Variants in SPATS2 observed in about 807,000 individuals in gnomAD.
The protein encoded by SPATS2 is spermatogenesis-associated serine-rich protein 2.
SPATS2 carries 38 observed loss-of-function variants against 63.7 expected under a neutral mutation model. The observed-to-expected ratio is 0.60, with a 90% confidence interval of 0.46 to 0.78. The LOEUF is 0.78. Ranked by LOEUF, SPATS2 falls within the 30% of genes least tolerant of loss-of-function variation. The probability of loss-of-function intolerance (pLI) is 0.00; values close to 1 mark genes in which losing one functional copy is unlikely to be tolerated. For missense variants in SPATS2, 588 were observed against 666.2 expected (o/e 0.88, Z 1.29); for synonymous variants, 207 against 232.9 (o/e 0.89, Z 1.01).
rs1858154424 is a variant in SPATS2 at position 49,443,135 on chromosome 12, T to G, written c.-243-17635T>G. ...TTGTATGTATATACTTTATTTTGTTTAACCATTTGTCTGCTGATAGACATT... is the reference window on the plus strand; with the variant it reads ...TTGTATGTATATACTTTATTTTGTTGAACCATTTGTCTGCTGATAGACATT... On this transcript the variant is annotated intron_variant, in intron 2 of 13. Transcript: ENST00000552918. Among the ~76,000 whole-genome samples, 5 of 152,258 alleles carry G rather than the reference T, an allele frequency of 3.3e-5. No individual in the cohort carries two copies. In the South Asian group the frequency reaches 1.0e-3, roughly 32 times the overall value.
intron 11 of SPATS2, 72 bp from the exon 12 acceptor site, chr12:49,522,674 TTAATC>T (rs1252705920): frequency 3.3e-5 from 38 of 1,168,260 alleles, no homozygotes; most frequent in Non-Finnish European, 4.3e-5. Context: ...AAATGATTGT[TTAATC>T]TGTATAGCAA....
intron 10 of SPATS2, among the ~76,000 whole-genome samples, chr12:49,515,533 G>C (rs1946824040): frequency 6.6e-6 from 1 of 152,188 alleles, no homozygotes; most frequent in Non-Finnish European, 1.5e-5. Context: ...ATTTTAACTT[G>C]AAAATTTGAG....
chr12:49,517,382 G>A (rs1946868350), intron 10 of SPATS2, among the ~76,000 whole-genome samples: 1 of 152,204 alleles, frequency 6.6e-6, no homozygotes, highest in Non-Finnish European at 1.5e-5. Flanking sequence ...CCAGCTCTCT[G>A]TAATACCTGG....
At chr12:49,409,408 C>T (rs1348037302) in intron 2 of SPATS2, among the ~76,000 whole-genome samples, 1 of 151,880 alleles carries the variant, frequency 6.6e-6, no homozygotes, top group Admixed American at 6.6e-5. Flanking sequence ...CGGGTTCACG[C>T]CATTCTCCTG....
At chr12:49,504,257 C>T (rs374711608) in intron 9 of SPATS2, among the ~76,000 whole-genome samples, 21 of 152,216 alleles carry the variant, frequency 1.4e-4, no homozygotes, top group South Asian at 8.3e-4. Flanking sequence ...ACTTTGATGC[C>T]GAACAAAAAC....
chr12:49,389,518 G>T, intron 2 of SPATS2: 2 of 903,670 alleles, frequency 2.2e-6, no homozygotes, highest in South Asian at 1.3e-5. Context: ...CTTTAGAAAT[G>T]AGTTGCACAA....
At chr12:49,498,359 C>T (rs1045098458) in intron 8 of SPATS2, among the ~76,000 whole-genome samples, 1 of 151,872 alleles carries the variant, frequency 6.6e-6, no homozygotes, top group African/African-American at 2.4e-5. Context: ...AAATAGAACT[C>T]TTGGAAATTG....
intron 7 of SPATS2, 76 bp from the exon 8 acceptor site, chr12:49,496,757 G>A (rs1304573705): frequency 6.8e-7 from 1 of 1,481,240 alleles, no homozygotes; most frequent in Non-Finnish European, 9.2e-7. Context: ...ATTTTTACCT[G>A]TTTTCTTTGT....
chr12:49,526,148 A>C lies in SPATS2; in HGVS notation c.1531A>C (p.Asn511His), dbSNP rs755392829. Reference sequence around the variant, plus strand: ...AGGCCAGACTCACTCTGCAGGGACCAATGGAACTGGAGTCAGCATGGAGCC... The same window carrying C: ...AGGCCAGACTCACTCTGCAGGGACCCATGGAACTGGAGTCAGCATGGAGCC... Reference protein sequence around the residue: ...ERGQTHSAGTNGTGVSMEPSP... With the variant: ...ERGQTHSAGTHGTGVSMEPSP... Residue 511 changes from asparagine to histidine, a missense_variant, in exon 14 of 14, where the codon AAT (asparagine) becomes CAT (histidine). By Grantham distance (68) the Asn-to-His change is moderately conservative (BLOSUM62 1). Transcript: ENST00000552918. The C allele has an allele frequency of 1.2e-6, 2 of 1,614,186 alleles. No individual in the cohort carries two copies. The highest frequency in any genetic ancestry group is 2.2e-5 in the East Asian group (1 of 44,876).
At chr12:49,381,252 G>A (rs1197212096) in intron 2 of SPATS2, among the ~76,000 whole-genome samples, 1 of 152,068 alleles carries the variant, frequency 6.6e-6, no homozygotes, top group East Asian at 1.9e-4. Context: ...TTTTTGTTGA[G>A]TTATAACCAT....
intron 2 of SPATS2, among the ~76,000 whole-genome samples, chr12:49,416,440 T>C (rs1592375570): frequency 6.6e-6 from 1 of 152,304 alleles, no homozygotes; most frequent in East Asian, 1.9e-4. Context: ...TGAAGTTGCC[T>C]GAGAGAGCAC....
chr12:49,526,100 G>A lies in SPATS2; in HGVS notation c.1483G>A (p.Ala495Thr). Residue 495 changes from alanine to threonine, a missense_variant, in exon 14 of 14, where the codon GCA becomes ACA. Physicochemically the swap from Ala to Thr is moderately conservative, Grantham distance 58. Coordinates refer to ENST00000552918, the MANE Select transcript of SPATS2 (RefSeq NM_023071.4). The part of the protein sequence containing the change: ...GSRYQSAPSQ[A>T]PGNTIERGQT... ...CAGGTATCAGAGTGCTCCATCTCAG[G>A]CACCAGGAAACACCATTGAAAGAGG... The A allele has an allele frequency of 6.2e-7, 1 of 1,614,158 alleles. No individual in the cohort carries two copies.
chr12:49,372,940 TTGTGTGTGTG>T (rs56940721), intron 2 of SPATS2, among the ~76,000 whole-genome samples: 1,904 of 130,112 alleles, frequency 0.015, 35 homozygotes, highest in African/African-American at 0.04. Context: ...ATTTTCTGTT[TTGTGTGTGTG>T]TGTGTGTGTG....
intron 2 of SPATS2, among the ~76,000 whole-genome samples, chr12:49,420,651 A>G (rs568715474): frequency 1.3e-5 from 2 of 152,350 alleles, no homozygotes; most frequent in South Asian, 4.1e-4. Flanking sequence ...TATATTAATT[A>G]AAGAACCAGT....
intron 2 of SPATS2, among the ~76,000 whole-genome samples, chr12:49,385,357 A>AGTGTGT (rs57896651): frequency 0.021 from 3,042 of 142,024 alleles, 56 homozygotes; most frequent in African/African-American, 0.04. Context: ...TAAGTATATA[A>AGTGTGT]GTGTGTGTGT....
chr12:49,457,349 C>T (rs1264486214), intron 2 of SPATS2, among the ~76,000 whole-genome samples: 1 of 152,006 alleles, frequency 6.6e-6, no homozygotes, highest in East Asian at 1.9e-4. Flanking sequence ...GATGAAATAA[C>T]CTTGATATGT....
At chr12:49,508,211 G>T (rs967821623) in intron 9 of SPATS2, among the ~76,000 whole-genome samples, 2 of 151,554 alleles carry the variant, frequency 1.3e-5, no homozygotes, top group Admixed American at 1.3e-4. Context: ...CATAATTCCA[G>T]TTTCTTTTTT....
intron 2 of SPATS2, among the ~76,000 whole-genome samples, chr12:49,452,712 T>G (rs1236754638): frequency 2.0e-5 from 3 of 152,144 alleles, no homozygotes; most frequent in Non-Finnish European, 4.4e-5. Flanking sequence ...CTTTTTTTAT[T>G]TTCCAAATTT....
At chr12:49,437,727 G>A (rs1289675514) in intron 2 of SPATS2, among the ~76,000 whole-genome samples, 1 of 152,208 alleles carries the variant, frequency 6.6e-6, no homozygotes, top group African/African-American at 2.4e-5. Flanking sequence ...CACTGGGCAG[G>A]CTGAGGCAGG....
Sources: allele counts gnomAD v4.1 joint callset (sites outside exome capture counted in the v4.1 genomes callset), GRCh38; gene constraint gnomAD v4.1.1; transcripts MANE v1.5; gene names NCBI Gene and HGNC (gene_info 2026-07-23, HGNC 2026-07-21).